Variants in AP1M1 observed in about 807,000 individuals in gnomAD.
The protein encoded by AP1M1 is AP-1 complex subunit mu-1.
Under a neutral mutation model 57.1 loss-of-function variants are expected in AP1M1, and 18 were observed. The ratio of observed to expected loss-of-function variants is 0.32; its 90% CI spans 0.22 to 0.47. The LOEUF (loss-of-function observed/expected upper bound fraction) is 0.47. AP1M1 is among the 20% of genes least tolerant of loss of function. The pLI, the probability that AP1M1 is intolerant of heterozygous loss-of-function variation, is 1.00. For missense variants in AP1M1, 362 were observed against 593.5 expected (o/e 0.61, Z 4.05); for synonymous variants, 241 against 237.9 (o/e 1.01, Z -0.12).
rs916575180 is a variant in AP1M1 at position 16,207,126 on chromosome 19, C to G, written c.267+718C>G. On this transcript the variant is annotated intron_variant, in intron 3 of 11. Transcript: ENST00000291439. This position sits in a 1 kb window ranked among gnomAD's most constrained non-coding sequence, Gnocchi z 4.2. ...AGTGAGGAGGCTGCTGCTGGCTTCC[C>G]GGAGAGGATGGGCCTGGCCGAGGTG... Among the ~76,000 whole-genome samples the G allele has an allele frequency of 6.6e-6, 1 of 152,144 alleles. No homozygotes were observed. The highest frequency in any genetic ancestry group is 1.5e-5 in the Non-Finnish European group (1 of 68,026).
rs569156250 is a variant in AP1M1 at position 16,243,692 on chromosome 19, A to G, written c.*9257A>G. The stretch of plus-strand genomic sequence containing the variant: ...TGCAGTGGCTCATGTCTATAATCCC[A>G]GCACTTTAGGAGGCTGAAGCAGGTG... On this transcript the variant is annotated 3_prime_UTR_variant, in exon 12 of 12. Transcript: ENST00000291439. 1.3e-5 allele frequency: 2 copies of G among 152,344 alleles called. No homozygotes were observed. The highest frequency in any genetic ancestry group is 2.9e-5 in the Non-Finnish European group (2 of 68,068). 9.4% of individuals were successfully genotyped at this position (152,344 alleles called of 1,614,324 possible).
chr19:16,226,273 T>C (rs1005564849), intron 5 of AP1M1, 148 bp from the exon 6 acceptor site: 63 of 1,208,652 alleles, frequency 5.2e-5, no homozygotes, highest in Non-Finnish European at 6.8e-5. Flanking sequence ...GCTGGGACTC[T>C]CCCAGCTCAG....
At chr19:16,222,202 A>ATTTTTTT (rs1406563931) in intron 5 of AP1M1, among the ~76,000 whole-genome samples, 5 of 57,626 alleles carry the variant, frequency 8.7e-5, no homozygotes, top group African/African-American at 2.3e-4. Flanking sequence ...TATTACTATT[A>ATTTTTTT]TTATTATTAT....
In AP1M1 at chr19:16,228,166, G is replaced by A. The variant is rs1467933123; in HGVS notation, c.846G>A (p.Val282=). ...HVKPLIWIES[V]IEKHSHSRIE... ...AGCCTTTGATATGGATCGAGTCGGT[G>A]ATCGAGAAGCACTCCCACAGCCGCA... The change falls in exon 8 of 12, where the codon GTG becomes GTA. Residue 282 remains valine (V), a synonymous_variant. Transcript: ENST00000291439. The surrounding 1 kb of genome is among the most constrained non-coding windows in gnomAD (Gnocchi z 5.0). The A allele has an allele frequency of 6.2e-7, 1 of 1,613,860 alleles. No individual in the cohort carries two copies. The highest frequency in any genetic ancestry group is 8.5e-7 in the Non-Finnish European group (1 of 1,180,018).
chr19:16,224,171 G>A (rs1156623198), intron 5 of AP1M1, among the ~76,000 whole-genome samples: 2 of 152,224 alleles, frequency 1.3e-5, no homozygotes, highest in South Asian at 2.1e-4. Context: ...TTTCCGGGAC[G>A]GGACAGTGGC....
Position 16,203,642 on chromosome 19 carries a change from G to A in AP1M1, c.199+27G>A. 6.3e-7 allele frequency: 1 copy of A among 1,580,216 alleles called. No homozygotes were observed. The highest frequency in any genetic ancestry group is 8.6e-7 in the Non-Finnish European group (1 of 1,161,460). ...TATCCCTTTGCTGGGGGTGCTCCCA[G>A]GGGACTCCTGTGTGGGTGTTGGTGT... is the stretch of plus-strand genomic sequence containing the variant. On this transcript the variant is annotated intron_variant, in intron 2 of 11. Coordinates refer to ENST00000291439, the MANE Select transcript of AP1M1 (RefSeq NM_032493.4). This position sits in a 1 kb window ranked among gnomAD's most constrained non-coding sequence, Gnocchi z 4.6.
intron 9 of AP1M1, among the ~76,000 whole-genome samples, chr19:16,230,879 A>C (rs1239740734): frequency 6.6e-6 from 1 of 152,200 alleles, no homozygotes; most frequent in East Asian, 1.9e-4. Context: ...GTAATTCCTA[A>C]AAACCAAAAG....
At chr19:16,200,158 G>T in intron 1 of AP1M1, among the ~76,000 whole-genome samples, 1 of 152,202 alleles carries the variant, frequency 6.6e-6, no homozygotes, top group Non-Finnish European at 1.5e-5. Flanking sequence ...TCACCTAGAA[G>T]CAGAGACATT....
chr19:16,226,844 C>T (rs1347444756), intron 6 of AP1M1: 5 of 297,732 alleles, frequency 1.7e-5, no homozygotes, highest in Non-Finnish European at 3.1e-5. Flanking sequence ...AGGCTAAGGC[C>T]TTGCTCTCTC....
At chr19:16,232,654 C>T (rs1490946810) in intron 9 of AP1M1, among the ~76,000 whole-genome samples, 1 of 152,228 alleles carries the variant, frequency 6.6e-6, no homozygotes, top group Non-Finnish European at 1.5e-5. Flanking sequence ...CAGAGATGAA[C>T]CACTCGGCCC....
chr19:16,216,709 A>G (rs920427721), intron 5 of AP1M1, among the ~76,000 whole-genome samples: 3 of 152,188 alleles, frequency 2.0e-5, no homozygotes, highest in Admixed American at 1.3e-4. Flanking sequence ...ACCAAGGCTC[A>G]GCTTAGGACT....
intron 1 of AP1M1, 66 bp downstream of exon 1, chr19:16,198,134 C>T: frequency 1.9e-6 from 3 of 1,572,572 alleles, no homozygotes; most frequent in South Asian, 1.1e-5. Context: ...CGCGGGGACC[C>T]ACCCTGTTGC....
rs183921799 is a variant in AP1M1 at position 16,223,023 on chromosome 19, G to A, written c.547-3398G>A. Among the ~76,000 whole-genome samples the A allele has an allele frequency of 4.7e-4, 71 of 152,286 alleles. 1 individual carries two copies. In the East Asian group the frequency reaches 9.3e-3, roughly 20 times the overall value. Reference sequence around the variant, plus strand: ...CAAGTTGACATTTTCGTGGTTGTTTGTATGCTGAGTAATTTTGGATTGCAT... The same window carrying A: ...CAAGTTGACATTTTCGTGGTTGTTTATATGCTGAGTAATTTTGGATTGCAT... On this transcript the variant is annotated intron_variant, in intron 5 of 11. Coordinates refer to ENST00000291439, the MANE Select transcript of AP1M1 (RefSeq NM_032493.4).
chr19:16,222,561 A>G (rs185562618), intron 5 of AP1M1, among the ~76,000 whole-genome samples: 71 of 151,406 alleles, frequency 4.7e-4, no homozygotes, highest in African/African-American at 1.6e-3. Context: ...TTCAGTTACT[A>G]TATTTTTAAA....
rs906320434 is a variant in AP1M1, at chr19:16,203,091, G to A, written c.43-368G>A. On this transcript the variant is annotated intron_variant, in intron 1 of 11. Coordinates refer to ENST00000291439, the MANE Select transcript of AP1M1 (RefSeq NM_032493.4). The surrounding 1 kb of genome is among the most constrained non-coding windows in gnomAD (Gnocchi z 4.6). ...CGGGAGTGGGCGCCCTGACACAGGC[G>A]GGAGAGCAAGGTGCGTTGGCCCGGC... 8 of 246,874 alleles carry A rather than the reference G, an allele frequency of 3.2e-5. No homozygotes were observed. Among genetic ancestry groups the A allele is most frequent in the Non-Finnish European group, 4.8e-5 (6 of 124,586 alleles). 15.3% of individuals were successfully genotyped at this position (246,874 alleles called of 1,614,324 possible).
At chr19:16,217,938 C>T (rs548762946) in intron 5 of AP1M1, among the ~76,000 whole-genome samples, 6 of 152,170 alleles carry the variant, frequency 3.9e-5, no homozygotes, top group Non-Finnish European at 8.8e-5. Flanking sequence ...AGGGCAGAAG[C>T]GCCTCCCCAT....
chr19:16,226,606 A>G, intron 6 of AP1M1, 59 bp downstream of exon 6: 1 of 1,522,200 alleles, frequency 6.6e-7, no homozygotes, highest in Non-Finnish European at 8.9e-7. Flanking sequence ...CACACACATT[A>G]CAGCCTAGGG....
chr19:16,226,827 G>T, intron 6 of AP1M1: 1 of 330,722 alleles, frequency 3.0e-6, no homozygotes, highest in Admixed American at 4.5e-5. Flanking sequence ...CTGGGGCACT[G>T]GGGCCTAGGC....
In AP1M1 at chr19:16,229,045, A is replaced by C. The variant is rs1331043429; in HGVS notation, c.1047+117A>C. ...GGTGACAGTGGCCACTGTGTCTTCC[A>C]CACCTGGGGCTTCTGAAAGGGTGGA... On this transcript the variant is annotated intron_variant, in intron 9 of 11. Coordinates refer to ENST00000291439, the MANE Select transcript of AP1M1 (RefSeq NM_032493.4). The C allele has an allele frequency of 2.4e-6, 3 of 1,241,654 alleles. No homozygotes were observed. In the African/African-American group the frequency reaches 4.5e-5, roughly 19 times the overall value. 76.9% of individuals were successfully genotyped at this position (1,241,654 alleles called of 1,614,324 possible).
Sources: gnomAD v4.1 joint callset for allele counts (sites outside exome capture counted in the v4.1 genomes callset) on GRCh38, gnomAD v4.1.1 for gene constraint, Gnocchi (gnomAD v3.1) non-coding constraint, MANE v1.5 for transcripts, NCBI Gene and HGNC (gene_info 2026-07-23, HGNC 2026-07-21) for gene names.